TTC19: variants seen among roughly 807,000 people sequenced by gnomAD.
TTC19 encodes tetratricopeptide repeat domain 19.
TTC19 carries 38 observed loss-of-function variants against 49.5 expected under a neutral mutation model. The observed-to-expected ratio is 0.77, with a 90% CI of 0.59 to 1.01. TTC19 has a LOEUF of 1.01. Ranked by LOEUF, TTC19 falls within the 50% of genes least tolerant of loss-of-function variation. TTC19 has a pLI of 0.00. For missense variants in TTC19, 475 were observed against 477.7 expected (o/e 0.99, Z 0.05); for synonymous variants, 204 against 185.2 (o/e 1.10, Z -0.83).
chr17:16,016,254 C>A (rs760997266), intron 7 of TTC19, among the ~76,000 whole-genome samples: 3 of 152,040 alleles, frequency 2.0e-5, no homozygotes, highest in Non-Finnish European at 4.4e-5. Flanking sequence ...TCTTCTTTGA[C>A]CCTTTGGATA....
At chr17:16,010,656 T>C (rs1164758484) in intron 7 of TTC19, among the ~76,000 whole-genome samples, 1 of 151,780 alleles carries the variant, frequency 6.6e-6, no homozygotes, top group Non-Finnish European at 1.5e-5. Flanking sequence ...GTATTTTTAG[T>C]AGAGACTGGG....
intron 2 of TTC19, among the ~76,000 whole-genome samples, chr17:16,036,883 C>G (rs1398966051): frequency 6.6e-6 from 1 of 152,250 alleles, no homozygotes; most frequent in African/African-American, 2.4e-5. Context: ...ATAGCACTTT[C>G]AATTTCCTTC....
exon 3 of TTC19, chr17:16,044,885 TGAG>T (rs907689991): frequency 5.2e-5 from 39 of 749,764 alleles, no homozygotes; most frequent in Admixed American, 2.6e-4. Flanking sequence ...CTGCTCCAGC[TGAG>T]AAGAAAGTGG....
At chr17:16,007,888 A>T (rs1970959004) in intron 7 of TTC19, among the ~76,000 whole-genome samples, 1 of 152,142 alleles carries the variant, frequency 6.6e-6, no homozygotes, top group Non-Finnish European at 1.5e-5. Context: ...ACTGTACACC[A>T]ATTTTTTTGT....
chr17:16,002,045 T>G lies in TTC19; in HGVS notation c.423+20T>G. ...GATTTGGTAACTCTTATAACCAGTC[T>G]GAACCACTGATGAGGAAGGTTGGAT... On this transcript the variant is annotated intron_variant, in intron 3 of 9. Coordinates refer to ENST00000261647, the MANE Select transcript of TTC19 (RefSeq NM_017775.4). 1 of 1,538,370 alleles carries G rather than the reference T, an allele frequency of 6.5e-7. No homozygotes were observed. Among genetic ancestry groups the G allele is most frequent in the South Asian group, 1.1e-5 (1 of 89,662 alleles).
At chr17:16,001,763 A>G (rs952081586) in intron 2 of TTC19, 152 bp from the exon 3 acceptor site, 14 of 664,328 alleles carry the variant, frequency 2.1e-5, no homozygotes, top group East Asian at 1.9e-4. Flanking sequence ...TCTGTAGACA[A>G]TGCTTTGTAC....
downstream of TTC19, chr17:16,032,262 T>G (rs766518675): frequency 6.5e-7 from 1 of 1,542,174 alleles, no homozygotes; most frequent in Non-Finnish European, 8.7e-7. Context: ...TAGAGATCCC[T>G]CTCCTGCACC....
Position 16,029,060 on chromosome 17 carries a change from A to G in TTC19, c.*1538A>G, listed in dbSNP as rs1434494612. ...GACTGTTTCAGTAGAAACCAGTATT[A>G]ACGTATGGTGATTTCTTAAAAAAAT... On this transcript the variant is annotated 3_prime_UTR_variant, in exon 10 of 10. Coordinates refer to ENST00000261647, the MANE Select transcript of TTC19 (RefSeq NM_017775.4). 2.2e-6 allele frequency: 1 copy of G among 452,676 alleles called. No individual in the cohort carries two copies. Among genetic ancestry groups the G allele is most frequent in the Non-Finnish European group, 4.4e-6 (1 of 226,446 alleles). The allele number at this position is 452,676 out of a possible 1,614,324, so 28.0% of individuals were successfully genotyped here.
chr17:15,999,871 G>A lies in TTC19; in HGVS notation c.23G>A (p.Ser8Asn), dbSNP rs550775797. 5 of 1,460,902 alleles carry A rather than the reference G, an allele frequency of 3.4e-6. No homozygotes were observed. The highest frequency in any genetic ancestry group is 2.7e-6 in the Non-Finnish European group (3 of 1,114,340). 90.5% of individuals were successfully genotyped at this position (1,460,902 alleles called of 1,614,324 possible). A position where few individuals can be genotyped will look rare whatever the true frequency, so the allele number is the denominator to read the frequency against. The stretch of plus-strand genomic sequence containing the variant: ...AGCATGTTCCGGCTCCTGAGCTGGA[G>A]CCTGGGCCGAGGCTTCCTGCGGGCC... MFRLLSWSLGRGFLRAAG... is the reference protein window; with the variant it reads MFRLLSWNLGRGFLRAAG... The change falls in exon 1 of 10, where the codon AGC becomes AAC. Residue 8 changes from serine to asparagine, a missense_variant. Transcript: ENST00000261647.
chr17:16,026,519 T>G (rs1030888178), intron 8 of TTC19, 21 bp from the exon 9 acceptor site: 1 of 1,612,808 alleles, frequency 6.2e-7, no homozygotes. Flanking sequence ...AAGAAAAAAT[T>G]GTTTTTTCTT....
At chr17:16,018,519 T>C (rs75335699) in intron 7 of TTC19, among the ~76,000 whole-genome samples, 6,469 of 152,232 alleles carry the variant, frequency 0.042, 313 homozygotes, top group African/African-American at 0.12. Context: ...TTGTTTTTTG[T>C]TTTTTGAGAT....
intron 2 of TTC19, chr17:16,035,046 T>C: frequency 9.1e-7 from 1 of 1,093,580 alleles, no homozygotes; most frequent in Admixed American, 2.4e-5. Context: ...AGCAGAATGG[T>C]AACATGAAGA....
chr17:16,032,547 T>G, downstream of TTC19: 3 of 1,435,994 alleles, frequency 2.1e-6, no homozygotes, highest in Admixed American at 4.6e-5. Context: ...CCAATCCAAC[T>G]TTTGTAGGAT....
chr17:16,015,307 AAT>A (rs776640891), intron 7 of TTC19, among the ~76,000 whole-genome samples: 1 of 152,000 alleles, frequency 6.6e-6, no homozygotes, highest in Non-Finnish European at 1.5e-5. Context: ...TCTTAATTTC[AAT>A]ATAGGACAGT....
chr17:16,035,072 C>T, intron 2 of TTC19: 1 of 855,064 alleles, frequency 1.2e-6, no homozygotes, highest in Non-Finnish European at 1.8e-6. Context: ...GATCCTGGTA[C>T]TCAATGAAAT....
chr17:16,019,252 C>T (rs1473159658), intron 7 of TTC19, among the ~76,000 whole-genome samples: 1 of 152,088 alleles, frequency 6.6e-6, no homozygotes, highest in Non-Finnish European at 1.5e-5. Context: ...AGAATCGCTT[C>T]AACCTGAGAG....
intron 2 of TTC19, chr17:16,000,546 C>T (rs978935395): frequency 6.7e-6 from 4 of 599,302 alleles, no homozygotes; most frequent in Non-Finnish European, 9.5e-6. Flanking sequence ...TATCAATTAA[C>T]CAGCCTATCT....
intron 7 of TTC19, among the ~76,000 whole-genome samples, chr17:16,013,607 C>A (rs1971138390): frequency 6.6e-6 from 1 of 152,054 alleles, no homozygotes; most frequent in African/African-American, 2.4e-5. Flanking sequence ...CTAATTAGTA[C>A]ATACTTGGGT....
chr17:16,031,288 G>T (rs1323919990), downstream of TTC19: 3 of 193,832 alleles, frequency 1.5e-5, no homozygotes, highest in African/African-American at 7.0e-5. Flanking sequence ...ATACTACACA[G>T]ATCATTATCT....
Sources: allele counts gnomAD v4.1 joint callset (sites outside exome capture counted in the v4.1 genomes callset), GRCh38; gene constraint gnomAD v4.1.1; transcripts MANE v1.5; gene names NCBI Gene and HGNC (gene_info 2026-07-23, HGNC 2026-07-21).